SPAG16: variants seen among roughly 807,000 people sequenced by gnomAD.
The protein encoded by SPAG16 is sperm associated antigen 16.
Under a neutral mutation model 80.4 loss-of-function variants are expected in SPAG16, and 86 were observed. That is an observed-to-expected ratio of 1.07 (90% CI 0.90 to 1.28). The LOEUF (loss-of-function observed/expected upper bound fraction) is 1.28. Among genes scored for constraint, SPAG16 ranks in the 50% most tolerant of loss-of-function variants. The pLI is 0.00. For missense variants in SPAG16, 870 were observed against 765.3 expected (o/e 1.14, Z -1.61); for synonymous variants, 294 against 265.9 (o/e 1.11, Z -1.03).
intron 10 of SPAG16, among the ~76,000 whole-genome samples, chr2:213,663,099 C>G (rs184148242): frequency 6.7e-4 from 102 of 152,034 alleles, no homozygotes; most frequent in Middle Eastern, 3.4e-3. Flanking sequence ...AATATATTTG[C>G]CCAAAAAATT....
intron 15 of SPAG16, among the ~76,000 whole-genome samples, chr2:214,402,494 C>A (rs749386650): frequency 1.3e-5 from 2 of 150,774 alleles, no homozygotes; most frequent in Non-Finnish European, 3.0e-5. Flanking sequence ...TTTTCAGGAA[C>A]AATTAGTGTA....
chr2:213,466,498 A>C (rs556441944), intron 9 of SPAG16, among the ~76,000 whole-genome samples: 3 of 152,168 alleles, frequency 2.0e-5, no homozygotes, highest in Non-Finnish European at 4.4e-5. Flanking sequence ...GGTGTCCATA[A>C]TCTGCAGAAT....
intron 15 of SPAG16, among the ~76,000 whole-genome samples, chr2:214,210,459 G>A (rs998864410): frequency 6.6e-6 from 1 of 152,068 alleles, no homozygotes; most frequent in African/African-American, 2.4e-5. Flanking sequence ...CTATGATATT[G>A]ATAACAGTAA....
chr2:213,609,180 A>T (rs2061363923), intron 10 of SPAG16, among the ~76,000 whole-genome samples: 1 of 152,202 alleles, frequency 6.6e-6, no homozygotes, highest in African/African-American at 2.4e-5. Context: ...TCCATTCTGA[A>T]AATTAAAGCC....
At chr2:214,168,144 C>T (rs527698335) in intron 15 of SPAG16, among the ~76,000 whole-genome samples, 1 of 151,726 alleles carries the variant, frequency 6.6e-6, no homozygotes, top group Non-Finnish European at 1.5e-5. Flanking sequence ...CATGCACCAC[C>T]ACACCCAGCT....
chr2:213,564,427 G>A (rs553164317), intron 10 of SPAG16, among the ~76,000 whole-genome samples: 21 of 151,232 alleles, frequency 1.4e-4, no homozygotes, highest in African/African-American at 4.4e-4. Context: ...CCTGGGAGGC[G>A]GAGGTTGCAG....
chr2:213,551,288 AC>A, intron 10 of SPAG16, among the ~76,000 whole-genome samples: 1 of 152,318 alleles, frequency 6.6e-6, no homozygotes. Flanking sequence ...GTTTCATTGC[AC>A]AATATGGCTT....
intron 15 of SPAG16, among the ~76,000 whole-genome samples, chr2:214,317,447 C>T (rs920723869): frequency 6.6e-6 from 1 of 152,166 alleles, no homozygotes; most frequent in Admixed American, 6.5e-5. Context: ...ATCGTTCTCA[C>T]GTTTTAGAGA....
At chr2:213,547,281 T>TA (rs903315614) in intron 10 of SPAG16, among the ~76,000 whole-genome samples, 4 of 152,096 alleles carry the variant, frequency 2.6e-5, no homozygotes, top group Admixed American at 2.0e-4. Flanking sequence ...ATTGTTCCAG[T>TA]AAAAATAGTC....
intron 10 of SPAG16, among the ~76,000 whole-genome samples, chr2:213,549,287 C>T (rs1287288076): frequency 6.6e-6 from 1 of 151,760 alleles, no homozygotes; most frequent in Non-Finnish European, 1.5e-5. Context: ...ATATTATTTT[C>T]TCTAAAATAT....
intron 15 of SPAG16, among the ~76,000 whole-genome samples, chr2:214,407,748 A>G (rs1702075681): frequency 6.6e-6 from 1 of 152,154 alleles, no homozygotes; most frequent in Non-Finnish European, 1.5e-5. Flanking sequence ...CCAATTGGAT[A>G]CTAAAGTACT....
intron 10 of SPAG16, among the ~76,000 whole-genome samples, chr2:213,750,603 A>G (rs2068035002): frequency 6.6e-6 from 1 of 152,168 alleles, no homozygotes; most frequent in Non-Finnish European, 1.5e-5. Flanking sequence ...GGCGTTGGTC[A>G]TAGTGGATGG....
At chr2:213,713,722 A>G (rs76360541) in intron 10 of SPAG16, among the ~76,000 whole-genome samples, 3,724 of 152,272 alleles carry the variant, frequency 0.024, 164 homozygotes, top group African/African-American at 0.084. Context: ...TGTTTTATCT[A>G]TTTCAAGACA....
intron 15 of SPAG16, among the ~76,000 whole-genome samples, chr2:214,271,315 T>A (rs1691979630): frequency 6.6e-6 from 1 of 152,122 alleles, no homozygotes; most frequent in Non-Finnish European, 1.5e-5. Flanking sequence ...ATTTTAAAAT[T>A]TTTCCCCATC....
chr2:213,566,977 C>G (rs1422037329), intron 10 of SPAG16, among the ~76,000 whole-genome samples: 3 of 152,096 alleles, frequency 2.0e-5, no homozygotes, highest in Non-Finnish European at 4.4e-5. Context: ...AGTTAGCCAA[C>G]AGTTTTAAAT....
At chr2:213,718,149 C>CAAAAAAA (rs71063769) in intron 10 of SPAG16, among the ~76,000 whole-genome samples, 1 of 92,242 alleles carries the variant, frequency 1.1e-5, no homozygotes, top group Admixed American at 1.3e-4. Context: ...AACAAGTTTA[C>CAAAAAAA]AAAAAAAAAA....
intron 3 of SPAG16, among the ~76,000 whole-genome samples, chr2:213,308,990 A>G (rs1374301718): frequency 2.0e-5 from 3 of 152,164 alleles, no homozygotes; most frequent in African/African-American, 7.2e-5. Context: ...TTTATGTTCC[A>G]TATACACCTT....
At chr2:214,098,253 G>C (rs2052742929) in intron 13 of SPAG16, among the ~76,000 whole-genome samples, 1 of 152,030 alleles carries the variant, frequency 6.6e-6, no homozygotes, top group South Asian at 2.1e-4. Context: ...GTATTCCTAA[G>C]ACATTTTATG....
intron 14 of SPAG16, among the ~76,000 whole-genome samples, chr2:214,112,204 A>G (rs71428328): frequency 0.16 from 24,107 of 152,022 alleles, 1,931 homozygotes; most frequent in East Asian, 0.17. Flanking sequence ...GTTCTTTTAC[A>G]TTTGCTGAGG....
Sources: gnomAD v4.1 joint callset for allele counts (sites outside exome capture counted in the v4.1 genomes callset) on GRCh38, gnomAD v4.1.1 for gene constraint, MANE v1.5 for transcripts, NCBI Gene and HGNC (gene_info 2026-07-23, HGNC 2026-07-21) for gene names.